Variants in NXN observed in about 807,000 individuals in gnomAD.
NXN encodes nucleoredoxin.
NXN carries 16 observed loss-of-function variants against 48.6 expected under a neutral mutation model. The ratio of observed to expected loss-of-function variants is 0.33; its 90% CI spans 0.22 to 0.50. The LOEUF is 0.50. NXN is among the 20% of genes least tolerant of loss of function. The probability of loss-of-function intolerance (pLI) is 0.98; values close to 1 mark genes in which losing one functional copy is unlikely to be tolerated. For missense variants in NXN, 492 were observed against 605.5 expected, an observed-to-expected ratio of 0.81 and a Z score of 1.97; for synonymous variants, 281 against 269.6, an observed-to-expected ratio of 1.04 and a Z score of -0.41.
At chr17:893,029 A>G (rs2068439783) in intron 1 of NXN, among the ~76,000 whole-genome samples, 1 of 152,266 alleles carries the variant, frequency 6.6e-6, no homozygotes, top group African/African-American at 2.4e-5. Flanking sequence ...CTGAAAACCT[A>G]AAACTGTTCT....
chr17:852,365 C>T (rs900501428), intron 1 of NXN, among the ~76,000 whole-genome samples: 2 of 152,198 alleles, frequency 1.3e-5, no homozygotes, highest in Non-Finnish European at 2.9e-5. Flanking sequence ...ACGTGGGCCA[C>T]AGGATCCCTG....
chr17:830,900 T>C lies in NXN; in HGVS notation c.361-4822A>G, dbSNP rs1913419090. Among the ~76,000 whole-genome samples, 1 of 151,104 alleles carries C rather than the reference T, an allele frequency of 6.6e-6. No homozygotes were observed. Among genetic ancestry groups the C allele is most frequent in the East Asian group, 1.9e-4 (1 of 5,142 alleles). ...CTGTAATCCCAGCTACTCAGAGGGC[T>C]GAGGCAGGAGAATCACTTGAACCCG... On this transcript the variant is annotated intron_variant, in intron 1 of 7. Coordinates refer to ENST00000336868, the MANE Select transcript of NXN (RefSeq NM_022463.5). This position sits in a 1 kb window ranked among gnomAD's most constrained non-coding sequence, Gnocchi z 4.2.
chr17:909,215 A>C (rs974379338), intron 1 of NXN, among the ~76,000 whole-genome samples: 1 of 152,186 alleles, frequency 6.6e-6, no homozygotes, highest in African/African-American at 2.4e-5. Context: ...AAGATTAAAC[A>C]AGAAACATCT....
At chr17:976,994 G>A (rs1421402720) in intron 1 of NXN, among the ~76,000 whole-genome samples, 1 of 152,094 alleles carries the variant, frequency 6.6e-6, no homozygotes, top group African/African-American at 2.4e-5. Context: ...TGGAACTCCC[G>A]ACCTCAGGTG....
At chr17:871,026 AT>A (rs1340416225) in intron 1 of NXN, among the ~76,000 whole-genome samples, 1 of 150,932 alleles carries the variant, frequency 6.6e-6, no homozygotes, top group Admixed American at 6.6e-5. Flanking sequence ...GCCCAGCTAA[AT>A]TTTTTTTGTA....
rs77905383 is a variant in NXN at position 900,609 on chromosome 17, C to T, written c.361-74531G>A. Among the ~76,000 whole-genome samples the T allele has an allele frequency of 6.2e-3, 950 of 152,208 alleles. 8 individuals are homozygous for T. The highest frequency in any genetic ancestry group is 0.022 in the African/African-American group (915 of 41,532). ...TATTTACAAGCAAAATGAATCTGCCCGTTCAAGGAGAAGAAACATGAATGA... is the reference window on the plus strand; with the variant it reads ...TATTTACAAGCAAAATGAATCTGCCTGTTCAAGGAGAAGAAACATGAATGA... On this transcript the variant is annotated intron_variant, in intron 1 of 7. Transcript: ENST00000336868.
At chr17:952,239 G>T (rs867887104) in intron 1 of NXN, among the ~76,000 whole-genome samples, 53 of 54,444 alleles carry the variant, frequency 9.7e-4, no homozygotes, top group Middle Eastern at 0.01. Flanking sequence ...GTCACACTGT[G>T]GGGGGGCTGG....
intron 1 of NXN, among the ~76,000 whole-genome samples, chr17:977,743 C>A (rs2586280): frequency 0.03 from 4,585 of 152,260 alleles, 247 homozygotes; most frequent in African/African-American, 0.1. Flanking sequence ...TTGGCAAATC[C>A]CTTTCTGAAC....
At chr17:810,276 TCTGTGAGTG>T (rs1911898371) in intron 5 of NXN, among the ~76,000 whole-genome samples, 1 of 131,182 alleles carries the variant, frequency 7.6e-6, no homozygotes. Context: ...ACGTTACGAG[TCTGTGAGTG>T]GCGTGCACGT....
intron 1 of NXN, among the ~76,000 whole-genome samples, chr17:887,997 G>A (rs1325256293): frequency 2.6e-5 from 4 of 152,022 alleles, no homozygotes; most frequent in Non-Finnish European, 5.9e-5. Context: ...AGAGAGGTCT[G>A]TAACTGCCAC....
chr17:843,041 AAAGAAAGAAAGAAAGAAGGAAGAAAGC>A (rs1914455998), intron 1 of NXN, among the ~76,000 whole-genome samples: 9 of 141,372 alleles, frequency 6.4e-5, no homozygotes, highest in African/African-American at 2.1e-4. Context: ...AGAAAGAAAG[AAAGAAAGAAAGAAAGAAGGAAGAAAGC>A]AAGCAAGCAA....
intron 5 of NXN, among the ~76,000 whole-genome samples, chr17:813,444 G>A (rs1324921694): frequency 4.6e-5 from 7 of 152,224 alleles, no homozygotes; most frequent in African/African-American, 1.4e-4. Context: ...CGACGCGGAC[G>A]GAATGCCGCA....
At chr17:974,658 G>T (rs1018908478) in intron 1 of NXN, among the ~76,000 whole-genome samples, 7 of 151,700 alleles carry the variant, frequency 4.6e-5, no homozygotes, top group Non-Finnish European at 1.0e-4. Context: ...CAGAGCGGGG[G>T]CGTGAACTCA....
chr17:803,742 G>C lies in NXN; in HGVS notation c.1065C>G (p.Ile355Met). 1 of 1,614,252 alleles carries C rather than the reference G, an allele frequency of 6.2e-7. No homozygotes were observed. Among genetic ancestry groups the C allele is most frequent in the Non-Finnish European group, 8.5e-7 (1 of 1,180,048 alleles). Residue 355 changes from isoleucine to methionine, a missense_variant, in exon 7 of 8, where the codon ATC becomes ATG. This residue lies in a region of NXN where 303 missense variants were observed against 388.3 expected (regional missense o/e 0.78). Coordinates refer to ENST00000336868, the MANE Select transcript of NXN (RefSeq NM_022463.5). ...CCTCTTTGGCTTTGTACTTGGCAAT[G>C]ATTTTCTCAGCTATCGGCTGAATCA... ...KQLIQPIAEK[I>M]IAKYKAKEEE...
chr17:903,526 G>A (rs576691427), intron 1 of NXN, among the ~76,000 whole-genome samples: 3 of 152,190 alleles, frequency 2.0e-5, no homozygotes, highest in Non-Finnish European at 4.4e-5. Context: ...GGGACTACAG[G>A]CGTGCGCTAC....
chr17:823,848 C>T (rs915091144), intron 2 of NXN, 83 bp from the exon 3 acceptor site: 4 of 1,468,464 alleles, frequency 2.7e-6, no homozygotes, highest in South Asian at 1.2e-5. Flanking sequence ...GCGGTTAAGA[C>T]TCTTCTTGAT....
intron 1 of NXN, among the ~76,000 whole-genome samples, chr17:890,166 C>T (rs1339273814): frequency 3.9e-5 from 6 of 152,038 alleles, no homozygotes; most frequent in Admixed American, 3.9e-4. Flanking sequence ...GAATAAATCC[C>T]ATCTAAGAAC....
At chr17:957,358 G>A (rs2069182479) in intron 1 of NXN, among the ~76,000 whole-genome samples, 1 of 151,552 alleles carries the variant, frequency 6.6e-6, no homozygotes, top group East Asian at 2.0e-4. Context: ...TCTGGGCCGG[G>A]CGCAGGGGCT....
intron 1 of NXN, among the ~76,000 whole-genome samples, chr17:866,577 A>T (rs1790420459): frequency 6.6e-6 from 1 of 152,176 alleles, no homozygotes; most frequent in African/African-American, 2.4e-5. Context: ...CAATAAATAG[A>T]TAAATGAACC....
Sources: gnomAD v4.1 joint callset for allele counts (sites outside exome capture counted in the v4.1 genomes callset) on GRCh38, gnomAD v4.1.1 for gene constraint, gnomAD v4.1.1 regional missense constraint, Gnocchi (gnomAD v3.1) non-coding constraint, MANE v1.5 for transcripts, NCBI Gene and HGNC (gene_info 2026-07-23, HGNC 2026-07-21) for gene names.